Variants in BTBD9 observed in about 807,000 individuals in gnomAD.
BTBD9 encodes the protein BTB/POZ domain-containing protein 9.
In BTBD9, 49 loss-of-function variants were observed where a neutral mutation model predicts 64.3. That is an observed-to-expected ratio of 0.76 (90% CI 0.61 to 0.97). BTBD9 has a LOEUF of 0.97. Ranked by LOEUF, BTBD9 falls within the 50% of genes least tolerant of loss-of-function variation. BTBD9 has a pLI of 0.00. For synonymous variants in BTBD9, 260 were observed against 274.7 expected, an observed-to-expected ratio of 0.95 and a Z score of 0.53; for missense variants, 598 against 762.1, an observed-to-expected ratio of 0.78 and a Z score of 2.53.
intron 6 of BTBD9, among the ~76,000 whole-genome samples, chr6:38,361,218 A>G (rs931834653): frequency 1.3e-5 from 2 of 152,234 alleles, no homozygotes; most frequent in African/African-American, 2.4e-5. Flanking sequence ...AGTCTGAATC[A>G]TAATAAATAC....
At chr6:38,439,111 T>C (rs914349917) in intron 6 of BTBD9, among the ~76,000 whole-genome samples, 5 of 39,924 alleles carry the variant, frequency 1.3e-4, no homozygotes, top group Non-Finnish European at 2.4e-4. Flanking sequence ...AGCAACTGAC[T>C]TTTTTTTTTT....
At chr6:38,416,262 T>C (rs1017338640) in intron 6 of BTBD9, among the ~76,000 whole-genome samples, 4 of 152,016 alleles carry the variant, frequency 2.6e-5, no homozygotes, top group African/African-American at 9.7e-5. Flanking sequence ...CCCTAATCTC[T>C]TTATTTGTAA....
At chr6:38,440,122 T>C (rs1768957774) in intron 6 of BTBD9, among the ~76,000 whole-genome samples, 1 of 152,156 alleles carries the variant, frequency 6.6e-6, no homozygotes, top group African/African-American at 2.4e-5. Context: ...CCAAGCTGGA[T>C]ATATAGATTT....
chr6:38,556,506 A>AGTGTGTGT (rs140373285), intron 6 of BTBD9, among the ~76,000 whole-genome samples: 28 of 137,854 alleles, frequency 2.0e-4, no homozygotes, highest in Admixed American at 9.7e-4. Context: ...TGTCCTATAA[A>AGTGTGTGT]GTGTGTGTGT....
chr6:38,508,081 T>C (rs13196595), intron 6 of BTBD9, among the ~76,000 whole-genome samples: 2,483 of 152,090 alleles, frequency 0.016, 40 homozygotes, highest in Middle Eastern at 0.034. Context: ...GATCCACCTG[T>C]CTCGGCCTCC....
At chr6:38,603,415 C>A (rs1014124492) in intron 1 of BTBD9, among the ~76,000 whole-genome samples, 11 of 152,208 alleles carry the variant, frequency 7.2e-5, no homozygotes, top group Non-Finnish European at 1.6e-4. Context: ...AACCAACACC[C>A]ATTTGTTCTA....
intron 6 of BTBD9, among the ~76,000 whole-genome samples, chr6:38,480,449 G>A (rs982227407): frequency 2.0e-5 from 3 of 152,148 alleles, no homozygotes; most frequent in Admixed American, 2.0e-4. Context: ...AGGTCAGATT[G>A]GTGCAAGTCC....
At chr6:38,363,654 T>C (rs1765067507) in intron 6 of BTBD9, among the ~76,000 whole-genome samples, 1 of 152,176 alleles carries the variant, frequency 6.6e-6, no homozygotes, top group African/African-American at 2.4e-5. Flanking sequence ...GTATTTATCA[T>C]AACTACTTTG....
intron 6 of BTBD9, among the ~76,000 whole-genome samples, chr6:38,568,103 G>C (rs1302045359): frequency 6.6e-6 from 1 of 152,182 alleles, no homozygotes; most frequent in Non-Finnish European, 1.5e-5. Flanking sequence ...GGAGATTCAA[G>C]CTATAAATAC....
chr6:38,481,408 G>A (rs905628309), intron 6 of BTBD9, among the ~76,000 whole-genome samples: 5 of 152,216 alleles, frequency 3.3e-5, no homozygotes, highest in African/African-American at 1.2e-4. Context: ...TCAGCTTAAT[G>A]TAAAATAAAA....
chr6:38,554,188 G>A (rs1279958800), intron 6 of BTBD9, among the ~76,000 whole-genome samples: 2 of 152,172 alleles, frequency 1.3e-5, no homozygotes, highest in South Asian at 2.1e-4. Flanking sequence ...GAAGGAGTCA[G>A]TCACACATCA....
At chr6:38,441,381 CTA>C (rs1769022590) in intron 6 of BTBD9, among the ~76,000 whole-genome samples, 1 of 151,976 alleles carries the variant, frequency 6.6e-6, no homozygotes, top group African/African-American at 2.4e-5. Flanking sequence ...ATATGAGATG[CTA>C]TAGAGAGTTA....
chr6:38,292,002 C>T (rs1470254411), intron 7 of BTBD9, among the ~76,000 whole-genome samples: 1 of 150,036 alleles, frequency 6.7e-6, no homozygotes, highest in Non-Finnish European at 1.5e-5. Context: ...GCTCTTGTTG[C>T]CCAGGCCGGA....
At chr6:38,491,477 AAATT>A (rs1180628111) in intron 6 of BTBD9, among the ~76,000 whole-genome samples, 1 of 152,200 alleles carries the variant, frequency 6.6e-6, no homozygotes, top group Admixed American at 6.5e-5. Flanking sequence ...TTTCTTGCAT[AAATT>A]AAGTAATAAC....
chr6:38,484,423 T>C (rs1436429919), intron 6 of BTBD9, among the ~76,000 whole-genome samples: 1 of 152,248 alleles, frequency 6.6e-6, no homozygotes, highest in Non-Finnish European at 1.5e-5. Context: ...TTTGAGATTA[T>C]AATCAGTTCC....
rs545472009 is a variant in BTBD9 at position 38,345,238 on chromosome 6, A to G, written c.1155-145T>C. On this transcript the variant is annotated intron_variant, in intron 6 of 10. Transcript: ENST00000481247. ...GACTCTGAGCTTGACTTCAGACTCTATATCTGCTCCTTATGGGTAGCTCCA... is the reference window on the plus strand; with the variant it reads ...GACTCTGAGCTTGACTTCAGACTCTGTATCTGCTCCTTATGGGTAGCTCCA... 7 of 500,116 alleles carry G rather than the reference A, an allele frequency of 1.4e-5. No individual in the cohort carries two copies. In the South Asian group the frequency reaches 1.6e-4, roughly 12 times the overall value. 31.0% of individuals were successfully genotyped at this position (500,116 alleles called of 1,614,324 possible). A position where few individuals can be genotyped will look rare whatever the true frequency, so the allele number is the denominator to read the frequency against.
At chr6:38,569,605 T>C (rs1775668748) in intron 6 of BTBD9, among the ~76,000 whole-genome samples, 1 of 152,144 alleles carries the variant, frequency 6.6e-6, no homozygotes, top group South Asian at 2.1e-4. Context: ...ATTCTAAAAT[T>C]ATAAAATACA....
At chr6:38,308,881 C>A (rs566779521) in intron 7 of BTBD9, among the ~76,000 whole-genome samples, 2 of 151,902 alleles carry the variant, frequency 1.3e-5, no homozygotes, top group South Asian at 2.1e-4. Context: ...CCTCAGCCCC[C>A]CAAAGTGCTG....
intron 6 of BTBD9, chr6:38,482,628 G>C (rs1178213245): frequency 1.3e-5 from 2 of 152,046 alleles, no homozygotes; most frequent in Non-Finnish European, 2.9e-5. Flanking sequence ...CTCAGTTCTT[G>C]CCAAACACTG....
Sources: gnomAD v4.1 joint callset for allele counts (sites outside exome capture counted in the v4.1 genomes callset) on GRCh38, gnomAD v4.1.1 for gene constraint, MANE v1.5 for transcripts, NCBI Gene and HGNC (gene_info 2026-07-23, HGNC 2026-07-21) for gene names.